The following RASGRP1 variants were observed in gnomAD, a reference collection of about 807,000 sequenced individuals.
RASGRP1 encodes RAS guanyl releasing protein 1, also known as RAS guanyl-releasing protein 1.
RASGRP1 carries 37 observed loss-of-function variants against 95.1 expected under a neutral mutation model. That is an observed-to-expected ratio of 0.39 (90% CI 0.30 to 0.51). The LOEUF is 0.51. Ranked by LOEUF, RASGRP1 falls within the 20% of genes least tolerant of loss-of-function variation. RASGRP1 has a pLI of 0.80. For synonymous variants in RASGRP1, 325 were observed against 353.4 expected, an observed-to-expected ratio of 0.92 and a Z score of 0.90; for missense variants, 711 against 965.4, an observed-to-expected ratio of 0.74 and a Z score of 3.49.
rs775047562 is a variant in RASGRP1, at chr15:38,507,998, G to A, written c.970C>T (p.Leu324Phe). 1.2e-6 allele frequency: 2 copies of A among 1,601,052 alleles called. No homozygotes were observed. Among genetic ancestry groups the A allele is most frequent in the African/African-American group, 1.3e-5 (1 of 74,620 alleles). ...SHVPHEINKV[L>F]GEMTELLSSS... ...GACAGCAGCTCAGTCATCTCACCGA[G>A]AACCTACAAAGCAGAACAGACCAAT... The change falls in exon 9 of 17, where the codon CTC (leucine) becomes TTC (phenylalanine). Residue 324 changes from leucine (L) to phenylalanine (F), a missense_variant. Physicochemically the swap from Leu to Phe is conservative, Grantham distance 22 (BLOSUM62 0). Transcript: ENST00000310803.
Position 38,498,843 on chromosome 15 carries a change from C to T in RASGRP1, c.1824G>A (p.Val608=). The change falls in exon 15 of 17, where the codon GTG becomes GTA. Residue 608 remains valine, a synonymous_variant. Coordinates refer to ENST00000310803, the MANE Select transcript of RASGRP1 (RefSeq NM_005739.4). ...PVAPTENNTS[V]GPVSNLCSLG... ...ATGAGCAAAGGTTGGACACTGGCCC[C>T]ACAGAAGTGTTGTTCTCTGTGGGAG... The T allele has an allele frequency of 3.7e-6, 6 of 1,613,892 alleles. No individual in the cohort carries two copies. Among genetic ancestry groups the T allele is most frequent in the Non-Finnish European group, 5.1e-6 (6 of 1,179,870 alleles).
chr15:38,513,770 C>A (rs1044092002), intron 6 of RASGRP1, among the ~76,000 whole-genome samples: 5 of 152,222 alleles, frequency 3.3e-5, no homozygotes, highest in African/African-American at 1.2e-4. Flanking sequence ...GTCTGTTTCT[C>A]TTCAACTTTC....
chr15:38,517,000 C>G (rs777363530), intron 5 of RASGRP1, among the ~76,000 whole-genome samples: 1 of 152,080 alleles, frequency 6.6e-6, no homozygotes, highest in Non-Finnish European at 1.5e-5. Flanking sequence ...GTTTCCTTCA[C>G]TAAACAAGCA....
intron 2 of RASGRP1, among the ~76,000 whole-genome samples, chr15:38,532,626 G>GT (rs1321808036): frequency 6.6e-6 from 1 of 152,126 alleles, no homozygotes; most frequent in Non-Finnish European, 1.5e-5. Context: ...ACCATCACAG[G>GT]TAAGTGGTTG....
intron 5 of RASGRP1, among the ~76,000 whole-genome samples, chr15:38,517,255 C>T (rs73384161): frequency 6.6e-6 from 1 of 152,110 alleles, no homozygotes; most frequent in African/African-American, 2.4e-5. Context: ...ATAATTCCTA[C>T]AGAATATAAT....
At chr15:38,527,973 T>C (rs1892292599) in intron 2 of RASGRP1, among the ~76,000 whole-genome samples, 1 of 152,076 alleles carries the variant, frequency 6.6e-6, no homozygotes, top group Admixed American at 6.6e-5. Context: ...TTAAAGTGTA[T>C]ATATTAAAAT....
intron 2 of RASGRP1, among the ~76,000 whole-genome samples, chr15:38,528,597 G>A (rs1173023860): frequency 6.6e-6 from 1 of 151,990 alleles, no homozygotes; most frequent in Non-Finnish European, 1.5e-5. Flanking sequence ...CTCTTCTTCT[G>A]TCTCCTCTTT....
At chr15:38,519,813 C>G (rs1270093229) in intron 3 of RASGRP1, among the ~76,000 whole-genome samples, 3 of 150,308 alleles carry the variant, frequency 2.0e-5, no homozygotes, top group Admixed American at 1.3e-4. Context: ...TTAACTGATA[C>G]ACATGTATGC....
intron 8 of RASGRP1, 66 bp from the exon 9 acceptor site, chr15:38,508,067 C>T: frequency 6.7e-7 from 1 of 1,498,732 alleles, no homozygotes; most frequent in Non-Finnish European, 9.0e-7. Flanking sequence ...TAATGAGGAC[C>T]TTGCATGTTT....
At position 38,491,808 on chromosome 15, in the gene RASGRP1, G is replaced by A. The variant is rs532656419; in HGVS notation, c.2260-1120C>T. On this transcript the variant is annotated intron_variant, in intron 16 of 16. Transcript: ENST00000310803. Reference sequence around the variant, plus strand: ...ACAAGCCTAAAAAGTAAAGAGAGGCGGTGGTCAAAATGGTGAGAGGGTTTA... The same window carrying A: ...ACAAGCCTAAAAAGTAAAGAGAGGCAGTGGTCAAAATGGTGAGAGGGTTTA... Among the ~76,000 whole-genome samples the A allele has an allele frequency of 2.8e-3, 424 of 152,244 alleles. 3 individuals carry two copies. The highest frequency in any genetic ancestry group is 9.7e-3 in the African/African-American group (402 of 41,544).
intron 6 of RASGRP1, among the ~76,000 whole-genome samples, chr15:38,515,776 G>GCCC (rs1285536323): frequency 3.4e-5 from 4 of 117,086 alleles, no homozygotes; most frequent in Non-Finnish European, 5.4e-5. Context: ...CCCCGCCCCC[G>GCCC]CACCCCCCCC....
chr15:38,550,941 G>A (rs1893317313), intron 2 of RASGRP1, among the ~76,000 whole-genome samples: 1 of 152,166 alleles, frequency 6.6e-6, no homozygotes, highest in Non-Finnish European at 1.5e-5. Context: ...TATAAATGCT[G>A]AGGGACAGTT....
chr15:38,518,478 T>C, intron 4 of RASGRP1, 55 bp from the exon 5 acceptor site: 1 of 1,554,112 alleles, frequency 6.4e-7, no homozygotes, highest in Middle Eastern at 1.7e-4. Context: ...GGACTCACAA[T>C]TTGTTGGGTT....
Position 38,512,902 on chromosome 15 carries a change from T to C in RASGRP1, c.730A>G (p.Met244Val). 1.4e-5 allele frequency: 22 copies of C among 1,603,194 alleles called. No homozygotes were observed. The highest frequency in any genetic ancestry group is 1.8e-5 in the Non-Finnish European group (21 of 1,176,180). ...VNSCVKENPT[M>V]ERSIALCNGI... ...TTGCACAGAGCAATAGATCGCTCCATGGTGGGGTTTTCCTTCACACAGCTA... is the reference window on the plus strand; with the variant it reads ...TTGCACAGAGCAATAGATCGCTCCACGGTGGGGTTTTCCTTCACACAGCTA... The change falls in exon 7 of 17, where the codon ATG (methionine) becomes GTG (valine). Residue 244 changes from methionine to valine, a missense_variant. Physicochemically the swap from Met to Val is conservative, Grantham distance 21 (BLOSUM62 1). This residue lies in a region of RASGRP1 where 491 missense variants were observed against 676.6 expected (regional missense o/e 0.73). Transcript: ENST00000310803.
intron 2 of RASGRP1, among the ~76,000 whole-genome samples, chr15:38,543,070 G>A (rs1431574901): frequency 1.3e-5 from 2 of 151,134 alleles, no homozygotes; most frequent in African/African-American, 4.9e-5. Flanking sequence ...ATTATTTATG[G>A]TTAGTCCTTT....
At chr15:38,500,363 A>G (rs1260650578) in intron 13 of RASGRP1, among the ~76,000 whole-genome samples, 1 of 148,770 alleles carries the variant, frequency 6.7e-6, no homozygotes, top group African/African-American at 2.5e-5. Flanking sequence ...GTTTTTTTTG[A>G]GACAGTCTTG....
At chr15:38,564,316 G>A (rs1193060861) in intron 1 of RASGRP1, among the ~76,000 whole-genome samples, 1 of 152,082 alleles carries the variant, frequency 6.6e-6, no homozygotes, top group East Asian at 1.9e-4. Context: ...CGCCGGCTCC[G>A]CGAAGAGCTT....
rs1360600061 is a variant in RASGRP1 at position 38,564,431 on chromosome 15, C to A, written c.35+163G>T. ...GAAACCCCGGGCGCAGCGCGCCGGG[C>A]GTTCTGGACACGTCCGCCCGTCGCG... is the stretch of plus-strand genomic sequence containing the variant. On this transcript the variant is annotated intron_variant, in intron 1 of 16. Coordinates refer to ENST00000310803, the MANE Select transcript of RASGRP1 (RefSeq NM_005739.4). Among the ~76,000 whole-genome samples the A allele has an allele frequency of 3.3e-5, 5 of 151,032 alleles. No homozygotes were observed. In the East Asian group the frequency reaches 1.0e-3, roughly 30 times the overall value.
intron 2 of RASGRP1, among the ~76,000 whole-genome samples, chr15:38,537,556 G>A: frequency 6.6e-6 from 1 of 152,168 alleles, no homozygotes; most frequent in East Asian, 1.9e-4. Flanking sequence ...AAGGGAAGCA[G>A]GAGCAGTGGG....
Sources: gnomAD v4.1 joint callset for allele counts (sites outside exome capture counted in the v4.1 genomes callset) on GRCh38, gnomAD v4.1.1 for gene constraint, gnomAD v4.1.1 regional missense constraint, MANE v1.5 for transcripts, NCBI Gene and HGNC (gene_info 2026-07-23, HGNC 2026-07-21) for gene names.